The following IQSEC1 variants were observed in gnomAD, a reference collection of about 807,000 sequenced individuals.
The protein encoded by IQSEC1 is IQ motif and Sec7 domain ArfGEF 1, also known as IQ motif and SEC7 domain-containing protein 1.
Under a neutral mutation model 91.0 loss-of-function variants are expected in IQSEC1, and 31 were observed. The observed-to-expected ratio is 0.34, with a 90% CI of 0.26 to 0.46. The LOEUF (loss-of-function observed/expected upper bound fraction) is 0.46, where lower values mean the gene tolerates loss of function less well. Ranked by LOEUF, IQSEC1 falls within the 20% of genes least tolerant of loss-of-function variation. The pLI is 1.00. For missense variants in IQSEC1, 1,388 were observed against 1,575.6 expected (o/e 0.88, Z 2.02); for synonymous variants, 699 against 662.6 (o/e 1.05, Z -0.84).
intron 1 of IQSEC1, among the ~76,000 whole-genome samples, chr3:13,039,231 G>A (rs138882399): frequency 6.6e-6 from 1 of 152,252 alleles, no homozygotes; most frequent in Non-Finnish European, 1.5e-5. Context: ...AAGGCAGAAC[G>A]CAGAGGCGCC....
chr3:13,060,388 G>A (rs1461829575), intron 1 of IQSEC1, among the ~76,000 whole-genome samples: 1 of 147,434 alleles, frequency 6.8e-6, no homozygotes, highest in Non-Finnish European at 1.5e-5. Flanking sequence ...GGCTCCTGCG[G>A]TGGGGCCCGG....
intron 1 of IQSEC1, among the ~76,000 whole-genome samples, chr3:13,192,151 C>T (rs372110879): frequency 1.3e-5 from 2 of 151,892 alleles, no homozygotes; most frequent in Admixed American, 6.6e-5. Flanking sequence ...CTGGCTAACA[C>T]GGTGGAACCC....
At chr3:13,013,994 C>A (rs774326493) in intron 1 of IQSEC1, among the ~76,000 whole-genome samples, 1 of 152,270 alleles carries the variant, frequency 6.6e-6, no homozygotes, top group South Asian at 2.1e-4. Flanking sequence ...TGGGCTGGAC[C>A]GAAATGGGCC....
At chr3:13,061,506 C>T (rs1179341260) in intron 1 of IQSEC1, among the ~76,000 whole-genome samples, 2 of 151,836 alleles carry the variant, frequency 1.3e-5, no homozygotes, top group Admixed American at 6.5e-5. Context: ...GGATCCTGAA[C>T]ATCAGGGGTC....
At chr3:13,106,238 C>A (rs752260630) in intron 2 of IQSEC1, among the ~76,000 whole-genome samples, 3 of 152,272 alleles carry the variant, frequency 2.0e-5, no homozygotes, top group Admixed American at 6.5e-5. Context: ...GAAGCCTCCC[C>A]GTTTCCCCTC....
intron 1 of IQSEC1, among the ~76,000 whole-genome samples, chr3:13,238,562 C>T (rs1412930618): frequency 6.6e-6 from 1 of 152,254 alleles, no homozygotes; most frequent in African/African-American, 2.4e-5. Flanking sequence ...AGGAGCTCGA[C>T]ACAGGCAGGA....
chr3:13,235,533 G>A (rs1694913180), intron 1 of IQSEC1, among the ~76,000 whole-genome samples: 1 of 152,146 alleles, frequency 6.6e-6, no homozygotes, highest in Admixed American at 6.5e-5. Flanking sequence ...TCAGCAGGAG[G>A]GGGAAATTGC....
chr3:12,937,372 A>C (rs1449641966), intron 2 of IQSEC1, among the ~76,000 whole-genome samples: 2 of 152,244 alleles, frequency 1.3e-5, no homozygotes, highest in Non-Finnish European at 2.9e-5. Context: ...AAGTATGCAC[A>C]GTTCAAGAGA....
intron 12 of IQSEC1, among the ~76,000 whole-genome samples, chr3:12,906,336 G>C (rs1265034553): frequency 6.6e-6 from 1 of 152,302 alleles, no homozygotes; most frequent in African/African-American, 2.4e-5. Flanking sequence ...TGGGGAGCTT[G>C]CAGCCCCCAT....
At chr3:13,019,315 C>A (rs1028881969) in intron 1 of IQSEC1, among the ~76,000 whole-genome samples, 1 of 152,244 alleles carries the variant, frequency 6.6e-6, no homozygotes, top group Non-Finnish European at 1.5e-5. Flanking sequence ...AGGGCCAGGG[C>A]TGGCAGGCGC....
intron 1 of IQSEC1, among the ~76,000 whole-genome samples, chr3:12,949,184 C>T (rs770599996): frequency 8.4e-4 from 128 of 152,378 alleles, no homozygotes; most frequent in Middle Eastern, 6.8e-3. Context: ...CATGCCTCTC[C>T]TGCCCAGCTG....
intron 1 of IQSEC1, among the ~76,000 whole-genome samples, chr3:12,962,414 C>T (rs957051708): frequency 3.3e-5 from 5 of 152,228 alleles, no homozygotes; most frequent in African/African-American, 7.2e-5. Flanking sequence ...GACTCTGATC[C>T]GGTCTGGGCA....
At chr3:13,141,263 A>C (rs950010389) in intron 2 of IQSEC1, among the ~76,000 whole-genome samples, 1 of 152,234 alleles carries the variant, frequency 6.6e-6, no homozygotes, top group Non-Finnish European at 1.5e-5. Context: ...GACTAGGATC[A>C]GAGCAATGGA....
At chr3:13,056,405 C>T (rs550042252) in intron 1 of IQSEC1, among the ~76,000 whole-genome samples, 1 of 152,194 alleles carries the variant, frequency 6.6e-6, no homozygotes, top group Non-Finnish European at 1.5e-5. Context: ...TCTGGGGGGT[C>T]CTTCCTGGGT....
chr3:13,073,156 G>T lies in IQSEC1; in HGVS notation c.-142C>A. The T allele has an allele frequency of 1.0e-6, 1 of 995,010 alleles. No homozygotes were observed. Among genetic ancestry groups the T allele is most frequent in the Non-Finnish European group, 1.5e-6 (1 of 662,276 alleles). 61.6% of individuals were successfully genotyped at this position (995,010 alleles called of 1,614,324 possible). ...GGGGCGAGTCACATTCCCGGGGGTG[G>T]CGGGCTCCTCCAGGGAGGCTGGGGC... On this transcript the variant is annotated 5_prime_UTR_variant, in exon 1 of 14. Coordinates refer to ENST00000613206, the MANE Select transcript of IQSEC1 (RefSeq NM_001134382.3).
Position 12,921,659 on chromosome 3 carries a change from CCGGTAAGTGGTAGAGT to C in IQSEC1, c.1853+445_1853+460del, listed in dbSNP as rs569010940. ...AAGTAACCAGCACAGGGCCACAGAGCCGGTAAGTGGTAGAGTCGGTGACTGAACCAGGCATCTGGCT... is the reference window on the plus strand; with the variant it reads ...AAGTAACCAGCACAGGGCCACAGAGCCGGTGACTGAACCAGGCATCTGGCT... On this transcript the variant is annotated intron_variant, in intron 5 of 13. Transcript: ENST00000613206. Among the ~76,000 whole-genome samples, 108 of 152,314 alleles carry C rather than the reference CCGGTAAGTGGTAGAGT, an allele frequency of 7.1e-4. 4 individuals carry two copies. The South Asian group carries it at 0.022, about 30-fold the overall frequency.
At chr3:13,063,669 G>A (rs1705143408) in intron 1 of IQSEC1, among the ~76,000 whole-genome samples, 1 of 152,268 alleles carries the variant, frequency 6.6e-6, no homozygotes, top group Non-Finnish European at 1.5e-5. Flanking sequence ...GCAGAGCAGG[G>A]TCTGAAACTC....
rs1698686153 is a variant in IQSEC1 at position 12,940,884 on chromosome 3, T to C, written c.318+687A>G. Among the ~76,000 whole-genome samples, 1 of 152,196 alleles carries C rather than the reference T, an allele frequency of 6.6e-6. No individual in the cohort carries two copies. The highest frequency in any genetic ancestry group is 1.5e-5 in the Non-Finnish European group (1 of 68,008). ...CCGCTCAGGGCCTCGCTCTTTCCTCTGCACCCCAGGATTCTCCTCTCCTGG... is the reference window on the plus strand; with the variant it reads ...CCGCTCAGGGCCTCGCTCTTTCCTCCGCACCCCAGGATTCTCCTCTCCTGG... On this transcript the variant is annotated intron_variant, in intron 2 of 13. Transcript: ENST00000613206. This position sits in a 1 kb window ranked among gnomAD's most constrained non-coding sequence, Gnocchi z 4.4.
chr3:12,990,107 T>C (rs1701920391), intron 1 of IQSEC1, among the ~76,000 whole-genome samples: 1 of 152,238 alleles, frequency 6.6e-6, no homozygotes, highest in Admixed American at 6.5e-5. Flanking sequence ...CTTGGCTTTA[T>C]TAAAACACGT....
Sources: gnomAD v4.1 joint callset for allele counts (sites outside exome capture counted in the v4.1 genomes callset) on GRCh38, gnomAD v4.1.1 for gene constraint, Gnocchi (gnomAD v3.1) non-coding constraint, MANE v1.5 for transcripts, NCBI Gene and HGNC (gene_info 2026-07-23, HGNC 2026-07-21) for gene names.